Variants in CNTNAP2 observed in about 807,000 individuals in gnomAD.
The protein encoded by CNTNAP2 is contactin-associated protein-like 2.
CNTNAP2 carries 98 observed loss-of-function variants against 155.2 expected under a neutral mutation model. The ratio of observed to expected loss-of-function variants is 0.63; its 90% confidence interval spans 0.54 to 0.75. The LOEUF is 0.75. Ranked by LOEUF, CNTNAP2 falls within the 30% of genes least tolerant of loss-of-function variation. The pLI is 0.00. For synonymous variants in CNTNAP2, 651 were observed against 631.2 expected (o/e 1.03, Z -0.47); for missense variants, 1,727 against 1,688.1 (o/e 1.02, Z -0.40).
At chr7:146,707,946 A>G (rs946369189) in intron 1 of CNTNAP2, among the ~76,000 whole-genome samples, 1 of 152,084 alleles carries the variant, frequency 6.6e-6, no homozygotes, top group Non-Finnish European at 1.5e-5. Context: ...TCAAAGCGAC[A>G]TTTTTGATTA....
chr7:146,179,863 T>G (rs1413796375), intron 1 of CNTNAP2, among the ~76,000 whole-genome samples: 1 of 152,194 alleles, frequency 6.6e-6, no homozygotes, highest in African/African-American at 2.4e-5. Flanking sequence ...GAAGAAGAGA[T>G]AAAAAATATT....
chr7:147,672,218 A>G (rs1795798932), intron 13 of CNTNAP2: 1 of 152,210 alleles, frequency 6.6e-6, no homozygotes, highest in African/African-American at 2.4e-5. Context: ...CATGTTCTTA[A>G]TACCCAAAAG....
At chr7:147,627,691 CAAAAA>C (rs138424007) in intron 12 of CNTNAP2, among the ~76,000 whole-genome samples, 381 of 71,710 alleles carry the variant, frequency 5.3e-3, no homozygotes, top group African/African-American at 0.016. Flanking sequence ...GACTCTGTCT[CAAAAA>C]AAAAAAAAAA....
intron 16 of CNTNAP2, among the ~76,000 whole-genome samples, chr7:148,125,723 A>AT (rs1334627587): frequency 7.2e-6 from 1 of 139,686 alleles, no homozygotes; most frequent in Non-Finnish European, 1.5e-5. Context: ...TTTTGGACAG[A>AT]TTCTCACTCA....
chr7:148,386,156 C>G (rs550476986), intron 22 of CNTNAP2, among the ~76,000 whole-genome samples: 43 of 151,774 alleles, frequency 2.8e-4, no homozygotes, highest in Middle Eastern at 3.4e-3. Context: ...AGAAAAATTT[C>G]CACTTACACT....
chr7:148,153,884 T>C (rs1805352484), intron 17 of CNTNAP2, among the ~76,000 whole-genome samples: 4 of 152,186 alleles, frequency 2.6e-5, no homozygotes, highest in South Asian at 4.1e-4. Context: ...AGGGTTAGCA[T>C]GCAGCAAGCT....
chr7:147,555,619 G>A (rs1799938421), intron 11 of CNTNAP2, among the ~76,000 whole-genome samples: 1 of 152,116 alleles, frequency 6.6e-6, no homozygotes, highest in Non-Finnish European at 1.5e-5. Context: ...CTTCTGTACA[G>A]TCAGGAAGAC....
Position 147,024,755 on chromosome 7 carries a change from A to G in CNTNAP2, c.403-19152A>G, listed in dbSNP as rs529564072. On this transcript the variant is annotated intron_variant, in intron 3 of 23. Transcript: ENST00000361727. ...ATGTAGGGAGAGAAACAAGCATGCA[A>G]TTGGAAACTCCCTCCTCAGTGGATG... Among the ~76,000 whole-genome samples, 29 of 152,296 alleles carry G rather than the reference A, an allele frequency of 1.9e-4. No individual in the cohort carries two copies. The South Asian group carries it at 5.6e-3, about 29-fold the overall frequency.
chr7:147,386,706 A>T (rs1432131069), intron 9 of CNTNAP2, among the ~76,000 whole-genome samples: 1 of 151,888 alleles, frequency 6.6e-6, no homozygotes, highest in Non-Finnish European at 1.5e-5. Context: ...ACTTTCCCAC[A>T]TTTTCCTATC....
chr7:146,745,543 T>C (rs1801794801), intron 1 of CNTNAP2, among the ~76,000 whole-genome samples: 1 of 151,874 alleles, frequency 6.6e-6, no homozygotes, highest in Non-Finnish European at 1.5e-5. Flanking sequence ...CCAAGGTGGG[T>C]GTATCAGGAG....
intron 1 of CNTNAP2, among the ~76,000 whole-genome samples, chr7:146,766,474 T>G (rs1802196571): frequency 6.6e-6 from 1 of 152,290 alleles, no homozygotes; most frequent in Admixed American, 6.5e-5. Flanking sequence ...TGTAGCCCAG[T>G]GCAACATATA....
intron 1 of CNTNAP2, among the ~76,000 whole-genome samples, chr7:146,357,415 A>G (rs1795015404): frequency 6.6e-6 from 1 of 152,068 alleles, no homozygotes; most frequent in Non-Finnish European, 1.5e-5. Context: ...CATATAATCT[A>G]TCAGTATCAT....
chr7:147,386,198 C>T (rs1473055496), intron 9 of CNTNAP2, among the ~76,000 whole-genome samples: 1 of 152,120 alleles, frequency 6.6e-6, no homozygotes, highest in African/African-American at 2.4e-5. Context: ...CCTAAACCTC[C>T]AGGCCTGTGA....
chr7:147,755,630 C>T (rs571062636), intron 13 of CNTNAP2, among the ~76,000 whole-genome samples: 20 of 152,152 alleles, frequency 1.3e-4, no homozygotes, highest in African/African-American at 3.6e-4. Context: ...CCAGCCTGGG[C>T]GACAGAGAGA....
chr7:146,471,288 C>T (rs1163099554), intron 1 of CNTNAP2, among the ~76,000 whole-genome samples: 3 of 152,210 alleles, frequency 2.0e-5, no homozygotes, highest in Admixed American at 2.0e-4. Context: ...ACATAGAAGT[C>T]ACTTCCTTGA....
At chr7:147,362,888 A>C (rs2116898781) in intron 9 of CNTNAP2, among the ~76,000 whole-genome samples, 1 of 152,254 alleles carries the variant, frequency 6.6e-6, no homozygotes, top group African/African-American at 2.4e-5. Flanking sequence ...GAAGTTAATA[A>C]AAAAAATTAA....
At chr7:146,413,385 T>C (rs928324137) in intron 1 of CNTNAP2, among the ~76,000 whole-genome samples, 3 of 152,170 alleles carry the variant, frequency 2.0e-5, no homozygotes, top group African/African-American at 7.2e-5. Context: ...AAAAAGGAAA[T>C]ACAGGAGTTT....
At chr7:147,312,082 A>C (rs947722614) in intron 9 of CNTNAP2, among the ~76,000 whole-genome samples, 5 of 151,960 alleles carry the variant, frequency 3.3e-5, no homozygotes, top group African/African-American at 4.8e-5. Context: ...AAAATAAGTT[A>C]GTTTTTCTAG....
chr7:148,397,022 ATAACT>A (rs1442666619), intron 22 of CNTNAP2, among the ~76,000 whole-genome samples: 2 of 152,232 alleles, frequency 1.3e-5, no homozygotes, highest in African/African-American at 2.4e-5. Flanking sequence ...AAAAGTAGTG[ATAACT>A]TAAATTTGTA....
Sources: gnomAD v4.1 joint callset for allele counts (sites outside exome capture counted in the v4.1 genomes callset) on GRCh38, gnomAD v4.1.1 for gene constraint, MANE v1.5 for transcripts, NCBI Gene and HGNC (gene_info 2026-07-23, HGNC 2026-07-21) for gene names.